The following LRRC4C variants were observed in gnomAD, a reference collection of about 807,000 sequenced individuals.
LRRC4C encodes leucine-rich repeat-containing protein 4C.
Under a neutral mutation model 33.6 loss-of-function variants are expected in LRRC4C, and 5 were observed. That is an observed-to-expected ratio of 0.15 (90% CI 0.08 to 0.31). LRRC4C has a LOEUF of 0.31. LRRC4C is among the 10% of genes least tolerant of loss of function. The probability of loss-of-function intolerance (pLI) is 1.00; values close to 1 mark genes in which losing one functional copy is unlikely to be tolerated. For synonymous variants in LRRC4C, 329 were observed against 302.0 expected (o/e 1.09, Z -0.93); for missense variants, 560 against 796.7 (o/e 0.70, Z 3.58).
intron 1 of LRRC4C, among the ~76,000 whole-genome samples, chr11:41,299,400 C>T (rs1378353059): frequency 6.6e-6 from 1 of 152,090 alleles, no homozygotes; most frequent in Non-Finnish European, 1.5e-5. Flanking sequence ...CTTCAACAAT[C>T]ACAGTTGAAG....
At chr11:41,226,777 C>CACACACACACA (rs1565496331) in intron 1 of LRRC4C, among the ~76,000 whole-genome samples, 9 of 150,698 alleles carry the variant, frequency 6.0e-5, no homozygotes, top group African/African-American at 9.8e-5. Flanking sequence ...CACACACACA[C>CACACACACACA]CCTTCTCTCT....
At chr11:41,115,795 T>C (rs899434818) in intron 1 of LRRC4C, among the ~76,000 whole-genome samples, 1 of 152,144 alleles carries the variant, frequency 6.6e-6, no homozygotes, top group Non-Finnish European at 1.5e-5. Flanking sequence ...CCGCAACTGG[T>C]AACCAGAGCT....
intron 2 of LRRC4C, among the ~76,000 whole-genome samples, chr11:40,884,757 A>C (rs2136053030): frequency 6.6e-6 from 1 of 152,130 alleles, no homozygotes; most frequent in Non-Finnish European, 1.5e-5. Flanking sequence ...CGCAATTTTT[A>C]TTTTCCTAAA....
chr11:41,224,319 C>T (rs987390502), intron 1 of LRRC4C, among the ~76,000 whole-genome samples: 10 of 152,180 alleles, frequency 6.6e-5, no homozygotes, highest in African/African-American at 1.4e-4. Context: ...ACTTATTTTA[C>T]GGGACTAATG....
At chr11:41,204,187 G>A (rs934236094) in intron 1 of LRRC4C, among the ~76,000 whole-genome samples, 18 of 152,184 alleles carry the variant, frequency 1.2e-4, no homozygotes, top group Non-Finnish European at 1.9e-4. Flanking sequence ...AAAAATAGAA[G>A]AGCCATGATG....
chr11:40,157,793 C>T (rs986741511), intron 5 of LRRC4C, among the ~76,000 whole-genome samples: 4 of 152,122 alleles, frequency 2.6e-5, no homozygotes, highest in Non-Finnish European at 4.4e-5. Context: ...ACAGGGAACA[C>T]TTCTACACTG....
chr11:40,641,646 C>T (rs1406315069), intron 3 of LRRC4C, among the ~76,000 whole-genome samples: 1 of 152,164 alleles, frequency 6.6e-6, no homozygotes. Context: ...GCAGAGACCT[C>T]TCCTGCTTTC....
chr11:40,825,875 A>T (rs1952140611), intron 2 of LRRC4C, among the ~76,000 whole-genome samples: 1 of 151,360 alleles, frequency 6.6e-6, no homozygotes, highest in Non-Finnish European at 1.5e-5. Context: ...AAGAAAAAAA[A>T]AAGAAAAAAA....
intron 3 of LRRC4C, among the ~76,000 whole-genome samples, chr11:40,406,229 T>A: frequency 6.6e-6 from 1 of 152,116 alleles, no homozygotes; most frequent in South Asian, 2.1e-4. Context: ...TCCTCCTTCT[T>A]CACCTGACTA....
intron 1 of LRRC4C, among the ~76,000 whole-genome samples, chr11:41,269,029 A>G (rs1949238553): frequency 6.6e-6 from 1 of 152,160 alleles, no homozygotes; most frequent in African/African-American, 2.4e-5. Flanking sequence ...CAAAGGGAAG[A>G]TACTTTGGGA....
At chr11:40,181,884 C>T (rs756767386) in intron 5 of LRRC4C, among the ~76,000 whole-genome samples, 4 of 152,186 alleles carry the variant, frequency 2.6e-5, no homozygotes, top group African/African-American at 9.6e-5. Flanking sequence ...CTGCTCTTCC[C>T]TTTGGGTGGC....
At chr11:40,317,460 A>G (rs1945631095) in intron 4 of LRRC4C, among the ~76,000 whole-genome samples, 1 of 152,124 alleles carries the variant, frequency 6.6e-6, no homozygotes, top group Admixed American at 6.5e-5. Context: ...TTGAAATTCT[A>G]GAGCTGACAA....
chr11:41,070,463 C>T (rs1938595083), intron 1 of LRRC4C, among the ~76,000 whole-genome samples: 1 of 152,100 alleles, frequency 6.6e-6, no homozygotes, highest in Non-Finnish European at 1.5e-5. Flanking sequence ...AAGAAACTAT[C>T]ACCAGAATGA....
rs569035265 is a variant in LRRC4C at position 41,351,877 on chromosome 11, T to G, written c.-496+107554A>C. Among the ~76,000 whole-genome samples the G allele has an allele frequency of 2.6e-5, 4 of 152,276 alleles. No homozygotes were observed. The East Asian group carries it at 7.7e-4, about 29-fold the overall frequency. Reference sequence around the variant, plus strand: ...GCCATACAAGAGGTCCTTAAGGGAATGCTAAACATGGAAATGAAAGACCAT... The same window carrying G: ...GCCATACAAGAGGTCCTTAAGGGAAGGCTAAACATGGAAATGAAAGACCAT... On this transcript the variant is annotated intron_variant, in intron 1 of 6. Transcript: ENST00000528697.
rs548906670 is a variant in LRRC4C, at chr11:41,365,200, C to T, written c.-496+94231G>A. Among the ~76,000 whole-genome samples the T allele has an allele frequency of 1.1e-4, 17 of 152,208 alleles. No individual in the cohort carries two copies. The South Asian group carries it at 3.5e-3, about 32-fold the overall frequency. ...CAAGTTAGTGGAGACATCAGATGCT[C>T]ATAGGAGTGTGAACCTATTGTAAAC... On this transcript the variant is annotated intron_variant, in intron 1 of 6. Transcript: ENST00000528697.
chr11:40,599,360 G>A (rs950733364), intron 3 of LRRC4C, among the ~76,000 whole-genome samples: 3 of 152,096 alleles, frequency 2.0e-5, no homozygotes, highest in Admixed American at 6.6e-5. Context: ...CTGAGGCAGC[G>A]GGATAGCTTG....
chr11:40,373,835 G>A (rs1327773943), intron 3 of LRRC4C, among the ~76,000 whole-genome samples: 2 of 152,092 alleles, frequency 1.3e-5, no homozygotes, highest in African/African-American at 4.8e-5. Flanking sequence ...ACAAGTTAAA[G>A]CTCCCCCAGT....
intron 1 of LRRC4C, among the ~76,000 whole-genome samples, chr11:41,059,210 G>GTTTTTTGTTTTT (rs1555056804): frequency 4.0e-5 from 5 of 125,196 alleles, no homozygotes; most frequent in Non-Finnish European, 6.5e-5. Context: ...TAAAATAAAA[G>GTTTTTTGTTTTT]TTTTTTTTTT....
chr11:41,437,187 C>T (rs11605003), intron 1 of LRRC4C, among the ~76,000 whole-genome samples: 279 of 152,308 alleles, frequency 1.8e-3, no homozygotes, highest in Non-Finnish European at 3.2e-3. Context: ...CCCCACCCTA[C>T]TTCAGCTTCC....
Sources: allele counts gnomAD v4.1 joint callset (sites outside exome capture counted in the v4.1 genomes callset), GRCh38; gene constraint gnomAD v4.1.1; transcripts MANE v1.5; gene names NCBI Gene and HGNC (gene_info 2026-07-23, HGNC 2026-07-21).